Variants in GRM8 observed in about 807,000 individuals in gnomAD.
The protein encoded by GRM8 is metabotropic glutamate receptor 8.
In GRM8, 47 loss-of-function variants were observed where a neutral mutation model predicts 87.2. That is an observed-to-expected ratio of 0.54 (90% confidence interval 0.43 to 0.69). The LOEUF (loss-of-function observed/expected upper bound fraction) is 0.69. Ranked by LOEUF, GRM8 falls within the 30% of genes least tolerant of loss-of-function variation. The probability of loss-of-function intolerance (pLI) is 0.00; values close to 1 mark genes in which losing one functional copy is unlikely to be tolerated. For missense variants in GRM8, 1,019 were observed against 1,139.2 expected (o/e 0.89, Z 1.52); for synonymous variants, 396 against 404.5 (o/e 0.98, Z 0.25).
chr7:126,675,940 A>T (rs929479357), intron 7 of GRM8, among the ~76,000 whole-genome samples: 24 of 152,202 alleles, frequency 1.6e-4, no homozygotes, highest in African/African-American at 5.8e-4. Context: ...GGAAAAGAGG[A>T]ACTCAAACTA....
In GRM8 at chr7:127,165,143, TATATATATATATATATATATATATA is replaced by T. The variant is rs1328487297; in HGVS notation, c.511-58456_511-58432del. Among the ~76,000 whole-genome samples, 29 of 6,696 alleles carry T rather than the reference TATATATATATATATATATATATATA, an allele frequency of 4.3e-3. No individual in the cohort carries two copies. In the East Asian group the frequency reaches 0.046, roughly 11 times the overall value. The allele number at this position is 6,696 out of a possible 152,430, so 4.4% of individuals were successfully genotyped here. On this transcript the variant is annotated intron_variant, in intron 2 of 10. Coordinates refer to ENST00000339582, the MANE Select transcript of GRM8 (RefSeq NM_000845.3). ...GGCAGATAATAAACATGTAAACAGA[TATATATATATATATATATATATATA>T]TATATATATATATATATATATATAT...
At chr7:126,592,716 T>C (rs189563648) in intron 8 of GRM8, among the ~76,000 whole-genome samples, 4 of 151,926 alleles carry the variant, frequency 2.6e-5, no homozygotes, top group African/African-American at 9.6e-5. Context: ...TGGGGAAAAG[T>C]TGGACGCTTT....
chr7:127,165,166 ATATAT>A (rs1387801752), intron 2 of GRM8, among the ~76,000 whole-genome samples: 1 of 63,632 alleles, frequency 1.6e-5, no homozygotes, highest in Non-Finnish European at 3.0e-5. Flanking sequence ...ATATATATAT[ATATAT>A]ATATATATAT....
intron 6 of GRM8, among the ~76,000 whole-genome samples, chr7:126,795,363 G>A (rs1323579187): frequency 6.6e-6 from 1 of 152,068 alleles, no homozygotes. Flanking sequence ...AATTTTACAG[G>A]TGTTGACTGA....
At chr7:126,792,894 G>A (rs750004304) in intron 6 of GRM8, among the ~76,000 whole-genome samples, 2 of 152,056 alleles carry the variant, frequency 1.3e-5, no homozygotes, top group Non-Finnish European at 2.9e-5. Flanking sequence ...CTGCCCCTCG[G>A]CTACAAAAGA....
chr7:126,906,205 G>A (rs1391405570), intron 3 of GRM8, among the ~76,000 whole-genome samples: 1 of 152,178 alleles, frequency 6.6e-6, no homozygotes, highest in Non-Finnish European at 1.5e-5. Context: ...GAACCAGGAA[G>A]AGGGCCCTCA....
rs182058580 is a variant in GRM8, at chr7:126,770,261, T to C, written c.1157-196A>G. Among the ~76,000 whole-genome samples, 805 of 152,266 alleles carry C rather than the reference T, an allele frequency of 5.3e-3. 9 individuals are homozygous for C. Among genetic ancestry groups the C allele is most frequent in the Non-Finnish European group, 4.6e-3 (310 of 68,018 alleles). On this transcript the variant is annotated intron_variant, in intron 6 of 10. Coordinates refer to ENST00000339582, the MANE Select transcript of GRM8 (RefSeq NM_000845.3). ...TTTATTTGGAAAGAGTAAAACTATTTCATTAGCAACAAAAAGATATAAAGT... is the reference window on the plus strand; with the variant it reads ...TTTATTTGGAAAGAGTAAAACTATTCCATTAGCAACAAAAAGATATAAAGT...
chr7:126,618,027 T>C (rs974434585), intron 7 of GRM8, among the ~76,000 whole-genome samples: 1 of 152,166 alleles, frequency 6.6e-6, no homozygotes, highest in East Asian at 1.9e-4. Flanking sequence ...AAAAACTACT[T>C]TAAGGTTAAT....
At chr7:127,026,761 T>G (rs957515220) in intron 3 of GRM8, among the ~76,000 whole-genome samples, 1 of 152,208 alleles carries the variant, frequency 6.6e-6, no homozygotes, top group African/African-American at 2.4e-5. Flanking sequence ...ATGGGTGGAT[T>G]GCAAAACTTT....
At position 127,127,183 on chromosome 7, in the gene GRM8, G is replaced by T. The variant is rs1587090171; in HGVS notation, c.511-20471C>A. 1.2e-4 allele frequency among the ~76,000 whole-genome samples: 18 copies of T among 152,032 alleles called. No homozygotes were observed. In the South Asian group the frequency reaches 3.3e-3, roughly 28 times the overall value. ...GCAGATATATATATCCCTTATGTGT[G>T]TGGGGGGTATACACACACTCACATA... On this transcript the variant is annotated intron_variant, in intron 2 of 10. Coordinates refer to ENST00000339582, the MANE Select transcript of GRM8 (RefSeq NM_000845.3).
At chr7:126,816,054 A>G (rs1404460204) in intron 6 of GRM8, among the ~76,000 whole-genome samples, 1 of 152,098 alleles carries the variant, frequency 6.6e-6, no homozygotes, top group Non-Finnish European at 1.5e-5. Flanking sequence ...TCTAATGCAC[A>G]ATCTCCACAG....
At chr7:127,104,789 G>T (rs1407968658) in intron 3 of GRM8, among the ~76,000 whole-genome samples, 2 of 152,188 alleles carry the variant, frequency 1.3e-5, no homozygotes, top group African/African-American at 4.8e-5. Flanking sequence ...TTATGTGACA[G>T]TATTACCAAA....
intron 2 of GRM8, among the ~76,000 whole-genome samples, chr7:127,137,474 T>A (rs758635285): frequency 2.0e-4 from 31 of 152,148 alleles, no homozygotes; most frequent in Non-Finnish European, 2.6e-4. Flanking sequence ...AACTGCTACT[T>A]ATATTTGGTA....
chr7:127,031,312 T>C (rs571818750), intron 3 of GRM8, among the ~76,000 whole-genome samples: 1 of 152,286 alleles, frequency 6.6e-6, no homozygotes, highest in East Asian at 1.9e-4. Flanking sequence ...TATCATATTA[T>C]TTGTCATTAT....
At chr7:126,631,159 C>T (rs1004733905) in intron 7 of GRM8, among the ~76,000 whole-genome samples, 1 of 152,108 alleles carries the variant, frequency 6.6e-6, no homozygotes, top group East Asian at 1.9e-4. Context: ...CTAAAAGATT[C>T]TTATGTTGAT....
At chr7:126,619,166 C>T (rs1799840488) in intron 7 of GRM8, among the ~76,000 whole-genome samples, 1 of 152,210 alleles carries the variant, frequency 6.6e-6, no homozygotes, top group Non-Finnish European at 1.5e-5. Context: ...AAATGTGGCA[C>T]ATATACACCA....
At chr7:126,906,609 T>C (rs913963781) in intron 3 of GRM8, among the ~76,000 whole-genome samples, 3 of 152,208 alleles carry the variant, frequency 2.0e-5, no homozygotes, top group African/African-American at 7.2e-5. Flanking sequence ...AGCTTTATGC[T>C]TTAGGTAGAC....
intron 9 of GRM8, among the ~76,000 whole-genome samples, chr7:126,452,689 T>G (rs1369467034): frequency 1.3e-5 from 2 of 151,782 alleles, no homozygotes; most frequent in Non-Finnish European, 2.9e-5. Context: ...AATGCCCTTT[T>G]AAACAGTAAA....
At chr7:126,467,704 C>T (rs1486169038) in intron 9 of GRM8, among the ~76,000 whole-genome samples, 7 of 151,962 alleles carry the variant, frequency 4.6e-5, no homozygotes, top group Admixed American at 6.6e-5. Flanking sequence ...AAACAAAATA[C>T]TTAGTGTTTA....
Sources: allele counts gnomAD v4.1 joint callset (sites outside exome capture counted in the v4.1 genomes callset), GRCh38; gene constraint gnomAD v4.1.1; transcripts MANE v1.5; gene names NCBI Gene and HGNC (gene_info 2026-07-23, HGNC 2026-07-21).